The following PLEKHA6 variants were observed in gnomAD, a reference collection of about 807,000 sequenced individuals.
PLEKHA6 encodes the protein pleckstrin homology domain-containing family A member 6.
PLEKHA6 carries 60 observed loss-of-function variants against 116.7 expected under a neutral mutation model. The observed-to-expected ratio is 0.51, with a 90% confidence interval of 0.42 to 0.64. PLEKHA6 has a LOEUF of 0.64. PLEKHA6 is among the 30% of genes least tolerant of loss of function. PLEKHA6 has a pLI of 0.00. For missense variants in PLEKHA6, 1,338 were observed against 1,422.7 expected (o/e 0.94, Z 0.96); for synonymous variants, 489 against 556.1 (o/e 0.88, Z 1.70).
At chr1:204,286,898 G>A (rs894662324) in intron 1 of PLEKHA6, among the ~76,000 whole-genome samples, 6 of 152,134 alleles carry the variant, frequency 3.9e-5, no homozygotes, top group Admixed American at 6.5e-5. Flanking sequence ...TTCTGCTCTC[G>A]CCCTGCTGGG....
chr1:204,322,344 C>G (rs1435474047), intron 1 of PLEKHA6, among the ~76,000 whole-genome samples: 1 of 152,174 alleles, frequency 6.6e-6, no homozygotes, highest in Non-Finnish European at 1.5e-5. Context: ...CCTCAAGGCT[C>G]TAAACTGGAT....
chr1:204,260,302 A>C (rs1362369665), intron 7 of PLEKHA6, among the ~76,000 whole-genome samples: 1 of 152,186 alleles, frequency 6.6e-6, no homozygotes, highest in African/African-American at 2.4e-5. Context: ...CATGGCGGGC[A>C]CCAGGAGCAG....
chr1:204,273,566 C>T, intron 3 of PLEKHA6, 60 bp downstream of exon 3: 4 of 1,094,746 alleles, frequency 3.7e-6, no homozygotes, highest in Non-Finnish European at 5.7e-6. Context: ...CCAGAGATCC[C>T]ACTAAACATG....
chr1:204,244,791 T>G, intron 15 of PLEKHA6, 73 bp downstream of exon 15: 1 of 1,187,316 alleles, frequency 8.4e-7, no homozygotes, highest in Non-Finnish European at 1.2e-6. Context: ...GGCACAGAAG[T>G]TGTATAGTTT....
intron 3 of PLEKHA6, among the ~76,000 whole-genome samples, chr1:204,273,254 T>C (rs1215515742): frequency 6.6e-6 from 1 of 152,166 alleles, no homozygotes; most frequent in African/African-American, 2.4e-5. Context: ...CAACTGACAA[T>C]GTCTGGAGAC....
At position 204,228,203 on chromosome 1, in the gene PLEKHA6, C is replaced by A; in HGVS notation, c.2911G>T (p.Glu971Ter). ...TGGGGCACGTCCACAGAGTCCCCCT[C>A]GCCGATGGGCACCACGTTCTGCATA... ...SSMQNVVPIG[E>*]GDSVDVPQDS... The change falls in exon 21 of 23, where the codon GAG becomes TAG. Residue 971 changes from glutamate to a stop codon, truncating the protein, a stop_gained. Coordinates refer to ENST00000272203, the MANE Select transcript of PLEKHA6 (RefSeq NM_014935.5). LOFTEE classifies it high-confidence loss of function. This position sits in a 1 kb window ranked among gnomAD's most constrained non-coding sequence, Gnocchi z 4.0. 1 of 1,609,924 alleles carries A rather than the reference C, an allele frequency of 6.2e-7. No individual in the cohort carries two copies.
rs571904372 is a variant in PLEKHA6 at position 204,263,578 on chromosome 1, G to A, written c.381+1364C>T. 7.2e-5 allele frequency among the ~76,000 whole-genome samples: 11 copies of A among 152,248 alleles called. No homozygotes were observed. In the East Asian group the frequency reaches 1.7e-3, roughly 24 times the overall value. ...GTGTGGGGGAAGGAGGCGAGGGGCT[G>A]GTGGGCAGAGAGGTGATATCTGGGA... On this transcript the variant is annotated intron_variant, in intron 6 of 22. Transcript: ENST00000272203.
chr1:204,364,716 T>A (rs1472721723), upstream of PLEKHA6, among the ~76,000 whole-genome samples: 4 of 152,198 alleles, frequency 2.6e-5, no homozygotes, highest in African/African-American at 7.2e-5. Flanking sequence ...CTGCCCTTGA[T>A]GAGTTTTCAG....
chr1:204,374,071 C>T (rs1673824352), intron 1 of PLEKHA6, among the ~76,000 whole-genome samples: 1 of 152,186 alleles, frequency 6.6e-6, no homozygotes, highest in Admixed American at 6.5e-5. Flanking sequence ...CTCTACCCCA[C>T]TGGATATCAC....
intron 1 of PLEKHA6, among the ~76,000 whole-genome samples, chr1:204,320,246 G>T (rs954860261): frequency 2.0e-5 from 3 of 152,194 alleles, no homozygotes; most frequent in Non-Finnish European, 4.4e-5. Flanking sequence ...TTGGGTGATG[G>T]AAGTGGATTT....
At position 204,320,226 on chromosome 1, in the gene PLEKHA6, C is replaced by T. The variant is rs115285032; in HGVS notation, c.-95+39468G>A. ...CATGTCCACCTATTTAATGGAGGCTCGGTGCTGTCTTGGGTGATGGAAGTG... is the reference window on the plus strand; with the variant it reads ...CATGTCCACCTATTTAATGGAGGCTTGGTGCTGTCTTGGGTGATGGAAGTG... On this transcript the variant is annotated intron_variant, in intron 1 of 22. Coordinates refer to ENST00000272203, the MANE Select transcript of PLEKHA6 (RefSeq NM_014935.5). Among the ~76,000 whole-genome samples the T allele has an allele frequency of 2.6e-3, 393 of 152,252 alleles. 1 individual carries two copies. The highest frequency in any genetic ancestry group is 9.0e-3 in the African/African-American group (372 of 41,550).
In PLEKHA6 at chr1:204,338,608, A is replaced by G. The variant is rs1672738495; in HGVS notation, c.-95+21086T>C. Among the ~76,000 whole-genome samples, 3 of 152,360 alleles carry G rather than the reference A, an allele frequency of 2.0e-5. No homozygotes were observed. In the South Asian group the frequency reaches 6.2e-4, roughly 32 times the overall value. ...TTTGCCTTCCAAGAGTTTACAACCT[A>G]GCAAGCCAAGCCCATAAACAACTGT... On this transcript the variant is annotated intron_variant, in intron 1 of 22. Coordinates refer to ENST00000272203, the MANE Select transcript of PLEKHA6 (RefSeq NM_014935.5).
intron 17 of PLEKHA6, among the ~76,000 whole-genome samples, chr1:204,231,744 T>C (rs1661208627): frequency 6.6e-6 from 1 of 152,054 alleles, no homozygotes; most frequent in Non-Finnish European, 1.5e-5. Flanking sequence ...ATTTTTTAAT[T>C]ATTATTATTT....
At chr1:204,377,410 G>A (rs918719480) in intron 1 of PLEKHA6, among the ~76,000 whole-genome samples, 6 of 152,186 alleles carry the variant, frequency 3.9e-5, no homozygotes, top group African/African-American at 1.4e-4. Context: ...ACCCATTGAG[G>A]AAAAGGCGGG....
intron 1 of PLEKHA6, among the ~76,000 whole-genome samples, chr1:204,320,973 T>C (rs980156641): frequency 2.0e-5 from 3 of 152,074 alleles, no homozygotes; most frequent in Admixed American, 6.5e-5. Flanking sequence ...TTCCAAGGGA[T>C]CTTGTAGCTT....
At chr1:204,267,661 C>T (rs1026860986) in intron 4 of PLEKHA6, 114 bp from the exon 5 acceptor site, 8 of 869,894 alleles carry the variant, frequency 9.2e-6, no homozygotes, top group African/African-American at 3.3e-5. Flanking sequence ...GCCCTAGCTG[C>T]GGCTCTGCTG....
intron 1 of PLEKHA6, among the ~76,000 whole-genome samples, chr1:204,288,030 G>T (rs967615677): frequency 6.6e-6 from 1 of 152,154 alleles, no homozygotes; most frequent in African/African-American, 2.4e-5. Context: ...TGATAGAATG[G>T]GTATATCTAG....
At chr1:204,365,202 G>A (rs570796246) in intron 3 of PLEKHA6, among the ~76,000 whole-genome samples, 3 of 152,330 alleles carry the variant, frequency 2.0e-5, no homozygotes, top group East Asian at 3.9e-4. Context: ...TGCCCTTTAC[G>A]TGCCCAGATA....
At chr1:204,230,379 G>A (rs1386932412) in intron 18 of PLEKHA6, 34 bp downstream of exon 18, 5 of 1,513,760 alleles carry the variant, frequency 3.3e-6, no homozygotes, top group Non-Finnish European at 4.4e-6. Context: ...GCAGATGCCA[G>A]GCTCACGCCT....
Sources: gnomAD v4.1 joint callset for allele counts (sites outside exome capture counted in the v4.1 genomes callset) on GRCh38, gnomAD v4.1.1 for gene constraint, Gnocchi (gnomAD v3.1) non-coding constraint, MANE v1.5 for transcripts, NCBI Gene and HGNC (gene_info 2026-07-23, HGNC 2026-07-21) for gene names.